The following FGF2 variants were observed in gnomAD, a reference collection of about 807,000 sequenced individuals.
FGF2 encodes the protein fibroblast growth factor 2, also known as basic fibroblast growth factor bFGF.
Under a neutral mutation model 15.9 loss-of-function variants are expected in FGF2, and 13 were observed. The observed-to-expected ratio is 0.82, with a 90% confidence interval of 0.53 to 1.30. The LOEUF (loss-of-function observed/expected upper bound fraction) is 1.30. Ranked by LOEUF, FGF2 falls within the 50% of genes most tolerant of loss-of-function variation. The pLI, the probability that FGF2 is intolerant of heterozygous loss-of-function variation, is 0.00. For synonymous variants in FGF2, 90 were observed against 78.4 expected (o/e 1.15, Z -0.78); for missense variants, 163 against 196.9 (o/e 0.83, Z 1.03).
intron 1 of FGF2, among the ~76,000 whole-genome samples, chr4:122,854,279 A>G (rs1445001123): frequency 2.0e-5 from 3 of 152,218 alleles, no homozygotes; most frequent in African/African-American, 7.2e-5. Flanking sequence ...TACTCTTTTG[A>G]TGGCTGTGCA....
intron 1 of FGF2, among the ~76,000 whole-genome samples, chr4:122,834,795 G>A (rs758344041): frequency 6.6e-6 from 1 of 152,170 alleles, no homozygotes; most frequent in Admixed American, 6.5e-5. Context: ...AAACTCAACT[G>A]CCTTTATAAA....
At chr4:122,864,191 T>G (rs1726526276) in intron 1 of FGF2, among the ~76,000 whole-genome samples, 1 of 152,220 alleles carries the variant, frequency 6.6e-6, no homozygotes, top group African/African-American at 2.4e-5. Context: ...TTTCCTAATT[T>G]TGGCCTCTGT....
chr4:122,892,416 T>A lies in FGF2; in HGVS notation c.*20T>A. 1 of 1,612,608 alleles carries A rather than the reference T, an allele frequency of 6.2e-7. No individual in the cohort carries two copies. Among genetic ancestry groups the A allele is most frequent in the Non-Finnish European group, 8.5e-7 (1 of 1,178,628 alleles). Reference sequence around the variant, plus strand: ...AGCTGATTTTAATGGCCACATCTAATCTCATTTCACATGAAAGAAGAAGTA... The same window carrying A: ...AGCTGATTTTAATGGCCACATCTAAACTCATTTCACATGAAAGAAGAAGTA... On this transcript the variant is annotated 3_prime_UTR_variant, in exon 3 of 3. Transcript: ENST00000644866.
intron 2 of FGF2, chr4:122,881,768 C>T (rs1726964456): frequency 6.4e-6 from 1 of 155,710 alleles, no homozygotes; most frequent in African/African-American, 2.4e-5. Context: ...TCCAAAGTCA[C>T]TTCCACGTTT....
chr4:122,864,433 G>A (rs1373707744), intron 1 of FGF2, among the ~76,000 whole-genome samples: 1 of 152,158 alleles, frequency 6.6e-6, no homozygotes, highest in Non-Finnish European at 1.5e-5. Flanking sequence ...GTTGGTGGGG[G>A]ACAGACAGGT....
intron 1 of FGF2, among the ~76,000 whole-genome samples, chr4:122,861,402 G>A (rs1243330965): frequency 6.6e-6 from 1 of 152,098 alleles, no homozygotes; most frequent in Non-Finnish European, 1.5e-5. Flanking sequence ...TTCCCCTCCT[G>A]CTGCTCCAAC....
At chr4:122,880,245 CTTTTTT>C (rs569559456) in intron 2 of FGF2, among the ~76,000 whole-genome samples, 1 of 128,698 alleles carries the variant, frequency 7.8e-6, no homozygotes, top group Non-Finnish European at 1.6e-5. Flanking sequence ...GCAGTCAAAT[CTTTTTT>C]TTTTTTTTTT....
chr4:122,867,382 G>A (rs1156782346), intron 1 of FGF2, among the ~76,000 whole-genome samples: 14 of 152,184 alleles, frequency 9.2e-5, no homozygotes, highest in Non-Finnish European at 1.9e-4. Flanking sequence ...ATATTACTTA[G>A]TATTATGGTG....
chr4:122,876,482 C>T (rs997112766), intron 2 of FGF2, 58 bp downstream of exon 2: 1 of 1,014,492 alleles, frequency 9.9e-7, no homozygotes, highest in Admixed American at 1.7e-5. Flanking sequence ...TGTTAATTTA[C>T]CAGCATTGTT....
rs570806931 is a variant in FGF2 at position 122,870,197 on chromosome 4, C to T, written c.179-6124C>T. ...AGGGATGAAGTCGACTTGATCGCAGCGGATAAGTTTTTTCATGTGTTGCTG... is the reference window on the plus strand; with the variant it reads ...AGGGATGAAGTCGACTTGATCGCAGTGGATAAGTTTTTTCATGTGTTGCTG... On this transcript the variant is annotated intron_variant, in intron 1 of 2. Transcript: ENST00000644866. 5.3e-5 allele frequency among the ~76,000 whole-genome samples: 8 copies of T among 152,220 alleles called. No homozygotes were observed. In the South Asian group the frequency reaches 1.0e-3, roughly 20 times the overall value.
At chr4:122,846,254 A>G (rs1328721101) in intron 1 of FGF2, among the ~76,000 whole-genome samples, 1 of 152,250 alleles carries the variant, frequency 6.6e-6, no homozygotes, top group Non-Finnish European at 1.5e-5. Context: ...ACAGATCACC[A>G]TAATACATGT....
intron 1 of FGF2, among the ~76,000 whole-genome samples, chr4:122,845,667 A>C (rs541059347): frequency 1.3e-5 from 2 of 152,308 alleles, no homozygotes; most frequent in East Asian, 3.9e-4. Context: ...CTAGCCTCCA[A>C]CTTTTCTTCT....
chr4:122,876,354 TTG>T lies in FGF2; in HGVS notation c.216_217del (p.Ser73TyrfsTer7). On this transcript the variant is annotated frameshift_variant, in exon 2 of 3. Coordinates refer to ENST00000644866, the MANE Select transcript of FGF2 (RefSeq NM_001361665.2). LOFTEE classifies it high-confidence loss of function. ...CAACTTCAAGCAGAAGAGAGAGGAG[TTG>T]TGTCTATCAAAGGAGTGTGTGCTAA... 1 of 1,612,984 alleles carries T rather than the reference TTG, an allele frequency of 6.2e-7. No homozygotes were observed. Among genetic ancestry groups the T allele is most frequent in the Non-Finnish European group, 8.5e-7 (1 of 1,179,362 alleles).
At chr4:122,866,280 A>G (rs563175687) in intron 1 of FGF2, among the ~76,000 whole-genome samples, 1 of 152,108 alleles carries the variant, frequency 6.6e-6, no homozygotes, top group East Asian at 1.9e-4. Context: ...AGGCAGGAGA[A>G]TGGCGTGAAC....
chr4:122,842,511 A>G (rs893574934), intron 1 of FGF2, among the ~76,000 whole-genome samples: 1 of 152,170 alleles, frequency 6.6e-6, no homozygotes, highest in Non-Finnish European at 1.5e-5. Flanking sequence ...TTGGGGTGAA[A>G]CTTTAGTTTA....
intron 1 of FGF2, chr4:122,840,640 C>A: frequency 5.2e-6 from 1 of 191,476 alleles, no homozygotes; most frequent in South Asian, 1.2e-4. Context: ...ACCCCGATCC[C>A]GATTTAGACC....
intron 1 of FGF2, among the ~76,000 whole-genome samples, chr4:122,839,372 AAAC>A (rs142579201): frequency 7.9e-5 from 12 of 152,128 alleles, no homozygotes; most frequent in Middle Eastern, 3.4e-3. Context: ...TAAGATTTTA[AAAC>A]AACAACAACA....
At chr4:122,869,621 G>A (rs1726686381) in intron 1 of FGF2, among the ~76,000 whole-genome samples, 1 of 152,176 alleles carries the variant, frequency 6.6e-6, no homozygotes, top group Non-Finnish European at 1.5e-5. Context: ...GTTCATTCAT[G>A]ATTTGGCTCT....
In FGF2 at chr4:122,897,944, A is replaced by C. The variant is rs1727415151; in HGVS notation, c.*5548A>C. ...GGTTAACGTGATACATTCTGTATGA[A>C]TGAAACATTGGAGGGAAACATCTAC... On this transcript the variant is annotated 3_prime_UTR_variant, in exon 3 of 3. Transcript: ENST00000644866. The C allele has an allele frequency of 2.8e-6, 1 of 357,974 alleles. No individual in the cohort carries two copies. The highest frequency in any genetic ancestry group is 5.0e-6 in the Non-Finnish European group (1 of 198,500). The allele number at this position is 357,974 out of a possible 1,614,324, so 22.2% of individuals were successfully genotyped here.
Sources: gnomAD v4.1 joint callset for allele counts (sites outside exome capture counted in the v4.1 genomes callset) on GRCh38, gnomAD v4.1.1 for gene constraint, MANE v1.5 for transcripts, NCBI Gene and HGNC (gene_info 2026-07-23, HGNC 2026-07-21) for gene names.